The following CWF19L1 variants were observed in gnomAD, a reference collection of about 807,000 sequenced individuals.
The protein encoded by CWF19L1 is CWF19 like cell cycle control factor 1.
A neutral mutation model predicts 69.7 loss-of-function variants in CWF19L1; 60 were observed. That is an observed-to-expected ratio of 0.86 (90% CI 0.70 to 1.07). CWF19L1 has a LOEUF of 1.07. Among genes scored for constraint, CWF19L1 ranks in the 50% least tolerant of loss-of-function variants. The pLI, the probability that CWF19L1 is intolerant of heterozygous loss-of-function variation, is 0.00. For synonymous variants in CWF19L1, 209 were observed against 222.2 expected (o/e 0.94, Z 0.53); for missense variants, 591 against 638.9 (o/e 0.92, Z 0.81).
intron 4 of CWF19L1, among the ~76,000 whole-genome samples, chr10:100,256,946 G>A (rs1847232152): frequency 6.6e-6 from 1 of 152,186 alleles, no homozygotes; most frequent in Non-Finnish European, 1.5e-5. Flanking sequence ...GCCAGGCATG[G>A]CAGCGTGTGC....
intron 10 of CWF19L1, among the ~76,000 whole-genome samples, chr10:100,241,405 G>A (rs1441490893): frequency 6.6e-6 from 1 of 152,150 alleles, no homozygotes; most frequent in East Asian, 1.9e-4. Context: ...AGATGAAATT[G>A]AGACTCTAGT....
chr10:100,248,913 G>A, intron 7 of CWF19L1: 3 of 898,294 alleles, frequency 3.3e-6, no homozygotes, highest in Non-Finnish European at 5.6e-6. Flanking sequence ...GCGATTCCAA[G>A]GCAGCAGAGC....
In CWF19L1 at chr10:100,253,483, G is replaced by A. The variant is rs548307143; in HGVS notation, c.561C>T (p.Gly187=). Residue 187 remains glycine (G), a synonymous_variant, in exon 6 of 14, where the codon GGC becomes GGT. Coordinates refer to ENST00000354105, the MANE Select transcript of CWF19L1 (RefSeq NM_018294.6). ...GSALVSSLAT[G]LKPRYHFAAL... Reference sequence around the variant, plus strand: ...CAGCAAAATGGTATCTTGGTTTCAAGCCCGTGGCAAGACTGGAAACCAAAG... The same window carrying A: ...CAGCAAAATGGTATCTTGGTTTCAAACCCGTGGCAAGACTGGAAACCAAAG... 6.4e-5 allele frequency: 104 copies of A among 1,614,054 alleles called. 1 individual carries two copies. In the South Asian group the frequency reaches 1.1e-3, roughly 17 times the overall value.
intron 10 of CWF19L1, among the ~76,000 whole-genome samples, chr10:100,243,275 C>T (rs1846695003): frequency 6.6e-6 from 1 of 152,078 alleles, no homozygotes; most frequent in South Asian, 2.1e-4. Context: ...CATCTATACA[C>T]TGGAATATGA....
rs536467118 is a variant in CWF19L1, at chr10:100,265,354, G to C, written c.23+2217C>G. Reference sequence around the variant, plus strand: ...TTTTAATAAATTTAATATAGGTGAAGTGTACAGTATTCATAAAGTCTACAA... The same window carrying C: ...TTTTAATAAATTTAATATAGGTGAACTGTACAGTATTCATAAAGTCTACAA... On this transcript the variant is annotated intron_variant, in intron 1 of 13. Coordinates refer to ENST00000354105, the MANE Select transcript of CWF19L1 (RefSeq NM_018294.6). 1.1e-3 allele frequency among the ~76,000 whole-genome samples: 160 copies of C among 151,994 alleles called. 1 individual carries two copies. The highest frequency in any genetic ancestry group is 3.8e-3 in the African/African-American group (156 of 41,498).
chr10:100,253,071 A>G (rs1415091692), intron 6 of CWF19L1, among the ~76,000 whole-genome samples: 1 of 152,156 alleles, frequency 6.6e-6, no homozygotes, highest in Non-Finnish European at 1.5e-5. Flanking sequence ...TGCAGTGGCT[A>G]TTCACAGGCG....
rs577143670 is a variant in CWF19L1 at position 100,266,751 on chromosome 10, C to T, written c.23+820G>A. On this transcript the variant is annotated intron_variant, in intron 1 of 13. Coordinates refer to ENST00000354105, the MANE Select transcript of CWF19L1 (RefSeq NM_018294.6). ...GCCAGGCTGGTCTCGAACTCCTGAC[C>T]GCAAGTGATCCGCCCGCCTCAGCCT... Among the ~76,000 whole-genome samples the T allele has an allele frequency of 3.1e-4, 47 of 150,920 alleles. 1 individual carries two copies. The highest frequency in any genetic ancestry group is 2.2e-3 in the Admixed American group (34 of 15,194).
chr10:100,237,950 AT>A, intron 11 of CWF19L1, 71 bp downstream of exon 11: 1 of 1,443,872 alleles, frequency 6.9e-7, no homozygotes, highest in Non-Finnish European at 9.7e-7. Context: ...CGCCCAGCCT[AT>A]TTAAATACTT....
At chr10:100,265,321 AAAT>A (rs1417840706) in intron 1 of CWF19L1, among the ~76,000 whole-genome samples, 3 of 152,110 alleles carry the variant, frequency 2.0e-5, no homozygotes, top group South Asian at 4.1e-4. Context: ...TTACTGTTGA[AAAT>A]AATATTTTAA....
Position 100,260,388 on chromosome 10 carries a change from C to G in CWF19L1, c.188-69G>C, listed in dbSNP as rs1847359534. ...GCTTTAGAACTTAAGATATGCCTCT[C>G]TATAGAAAAAATACTTATATTAAAA... On this transcript the variant is annotated intron_variant, in intron 3 of 13. Transcript: ENST00000354105. 3.7e-6 allele frequency: 3 copies of G among 811,174 alleles called. No homozygotes were observed. In the Admixed American group the frequency reaches 7.1e-5, roughly 19 times the overall value. The allele number at this position is 811,174 out of a possible 1,614,324, so 50.2% of individuals were successfully genotyped here.
chr10:100,253,299 T>C (rs2134306886), intron 6 of CWF19L1, 122 bp downstream of exon 6: 1 of 631,164 alleles, frequency 1.6e-6, no homozygotes, highest in African/African-American at 1.8e-5. Context: ...GTCACTTACT[T>C]CAGTGTCTGA....
chr10:100,251,424 T>A (rs1024040562), intron 6 of CWF19L1, among the ~76,000 whole-genome samples: 1 of 152,102 alleles, frequency 6.6e-6, no homozygotes, highest in African/African-American at 2.4e-5. Context: ...CTAGTGGGTA[T>A]GAAGTGGTGT....
At chr10:100,258,959 T>G (rs948664021) in intron 4 of CWF19L1, among the ~76,000 whole-genome samples, 1 of 149,888 alleles carries the variant, frequency 6.7e-6, no homozygotes, top group Admixed American at 6.7e-5. Flanking sequence ...TCCCAGCACT[T>G]TGGGAGGCTG....
At chr10:100,260,171 A>G (rs1847350025) in intron 4 of CWF19L1, 47 bp downstream of exon 4, 2 of 1,315,398 alleles carry the variant, frequency 1.5e-6, no homozygotes, top group Non-Finnish European at 2.2e-6. Flanking sequence ...CCGTCTCAAA[A>G]ACAAAAAACA....
intron 1 of CWF19L1, among the ~76,000 whole-genome samples, chr10:100,265,058 T>C (rs1039473058): frequency 1.3e-5 from 2 of 151,576 alleles, no homozygotes; most frequent in African/African-American, 2.4e-5. Flanking sequence ...GAGGTTGAGG[T>C]TGCAGTGAGC....
In CWF19L1 at chr10:100,250,227, ACCAAAT is replaced by A; in HGVS notation, c.708+15_708+20del. 6.6e-7 allele frequency: 1 copy of A among 1,509,758 alleles called. No individual in the cohort carries two copies. The allele number at this position is 1,509,758 out of a possible 1,614,324, so 93.5% of individuals were successfully genotyped here. A position where few individuals can be genotyped will look rare whatever the true frequency, so the allele number is the denominator to read the frequency against. On this transcript the variant is annotated intron_variant, in intron 7 of 13. Transcript: ENST00000354105. Reference sequence around the variant, plus strand: ...GGCAGACCATGAATATCAACCTTCCACCAAATAGGTAAATCTTTACCTTTTTCTTTT... The same window carrying A: ...GGCAGACCATGAATATCAACCTTCCAAGGTAAATCTTTACCTTTTTCTTTT...
Position 100,233,323 on chromosome 10 carries a change from G to A in CWF19L1, c.1521C>T (p.Asp507=), listed in dbSNP as rs763151631. 1.7e-5 allele frequency: 28 copies of A among 1,613,846 alleles called. No individual in the cohort carries two copies. Among genetic ancestry groups the A allele is most frequent in the Non-Finnish European group, 2.2e-5 (26 of 1,179,974 alleles). ...CCTTGCTGATCTGACACTGCCTCCA[G>A]TCAGACTTATCAGGAACATTAAGGA... The part of the protein sequence containing the change: ...EAILNVPDKS[D]WRQCQISKED... Residue 507 remains aspartate, a synonymous_variant, in exon 14 of 14, where the codon GAC becomes GAT. Coordinates refer to ENST00000354105, the MANE Select transcript of CWF19L1 (RefSeq NM_018294.6).
At chr10:100,249,017 C>T (rs1290786983) in intron 7 of CWF19L1, 1 of 624,264 alleles carries the variant, frequency 1.6e-6, no homozygotes, top group South Asian at 1.6e-5. Context: ...CTCTTATACT[C>T]TGGGAACATC....
intron 5 of CWF19L1, chr10:100,254,617 T>G (rs1172029018): frequency 6.6e-6 from 1 of 152,156 alleles, no homozygotes; most frequent in Non-Finnish European, 1.5e-5. Flanking sequence ...GGAATTAGCT[T>G]TGAGGTCAGT....
Sources: gnomAD v4.1 joint callset for allele counts (sites outside exome capture counted in the v4.1 genomes callset) on GRCh38, gnomAD v4.1.1 for gene constraint, MANE v1.5 for transcripts, NCBI Gene and HGNC (gene_info 2026-07-23, HGNC 2026-07-21) for gene names.